The following FZD4 variants were observed in gnomAD, a reference collection of about 807,000 sequenced individuals.
FZD4 encodes the protein frizzled-4.
A neutral mutation model predicts 37.3 loss-of-function variants in FZD4; 16 were observed. The ratio of observed to expected loss-of-function variants is 0.43; its 90% CI spans 0.29 to 0.65. The LOEUF is 0.65. Among genes scored for constraint, FZD4 ranks in the 30% least tolerant of loss-of-function variants. The pLI is 0.16. For missense variants in FZD4, 599 were observed against 674.3 expected (o/e 0.89, Z 1.24); for synonymous variants, 246 against 254.8 (o/e 0.97, Z 0.33).
In FZD4 at chr11:86,950,753, A is replaced by G; in HGVS notation, c.*389T>C. ...GTATTTAAAATGGTAAAGGGTTAAA[A>G]AAGTTAATATTTCTCCCTGCTAGTT... On this transcript the variant is annotated 3_prime_UTR_variant, in exon 2 of 2. Coordinates refer to ENST00000531380, the MANE Select transcript of FZD4 (RefSeq NM_012193.4). 3.5e-6 allele frequency: 1 copy of G among 284,010 alleles called. No individual in the cohort carries two copies. The highest frequency in any genetic ancestry group is 6.8e-6 in the Non-Finnish European group (1 of 147,956). The allele number at this position is 284,010 out of a possible 1,614,324, so 17.6% of individuals were successfully genotyped here. A position where few individuals can be genotyped will look rare whatever the true frequency, so the allele number is the denominator to read the frequency against.
Position 86,955,220 on chromosome 11 carries a change from C to T in FZD4, c.-135G>A. 6.2e-6 allele frequency: 4 copies of T among 646,416 alleles called. No homozygotes were observed. The highest frequency in any genetic ancestry group is 5.5e-5 in the South Asian group (2 of 36,408). The allele number at this position is 646,416 out of a possible 1,614,324, so 40.0% of individuals were successfully genotyped here. On this transcript the variant is annotated 5_prime_UTR_variant, in exon 1 of 2. Coordinates refer to ENST00000531380, the MANE Select transcript of FZD4 (RefSeq NM_012193.4). The stretch of plus-strand genomic sequence containing the variant: ...GTGTGATGCGGCGACGAGGGGGCAG[C>T]GGCCGGCTCTCCAGCAGCTGCGCGC...
intron 1 of FZD4, 83 bp from the exon 2 acceptor site, chr11:86,952,553 A>G: frequency 6.7e-7 from 1 of 1,488,112 alleles, no homozygotes; most frequent in Non-Finnish European, 9.2e-7. Context: ...GCTGAGTTGA[A>G]TGCTTCCAGG....
Position 86,954,987 on chromosome 11 carries a change from C to T in FZD4, c.99G>A (p.Pro33=). ...LLLQLLLLLG[P]ARGFGDEEER... ...CTTCCTCGTCCCCGAAGCCCCGCGC[C>T]GGCCCCAGGAGCAGCAGCAACTGCA... The change falls in exon 1 of 2, where the codon CCG becomes CCA. Residue 33 remains proline, a synonymous_variant. Transcript: ENST00000531380. 1 of 1,612,808 alleles carries T rather than the reference C, an allele frequency of 6.2e-7. No homozygotes were observed. The highest frequency in any genetic ancestry group is 1.1e-5 in the South Asian group (1 of 91,078).
chr11:86,951,330 C>T lies in FZD4; in HGVS notation c.1426G>A (p.Val476Ile), dbSNP rs372852310. 3.7e-6 allele frequency: 6 copies of T among 1,613,916 alleles called. No individual in the cohort carries two copies. The highest frequency in any genetic ancestry group is 2.2e-5 in the South Asian group (2 of 91,072). Residue 476 changes from valine (V) to isoleucine (I), a missense_variant, in exon 2 of 2, where the codon GTT (valine) becomes ATT (isoleucine). Around this residue, in one of 3 missense-constraint regions of FZD4, gnomAD observed 203 missense variants for 196.8 expected, o/e 1.03. Transcript: ENST00000531380. Reference protein sequence around the residue: ...RYSADDSNMAVEMLKIFMSLL... With the variant: ...RYSADDSNMAIEMLKIFMSLL... ...GACATAAAAATTTTCAACATTTCAA[C>T]AGCCATGTTGGAATCATCTGCAGAA... is the stretch of plus-strand genomic sequence containing the variant.
chr11:86,954,848 TCAGCTG>T lies in FZD4; in HGVS notation c.232_237del (p.Gln78_Leu79del). ...TACTGGATGAGCGGTGTGAAAGTTG[TCAGCTG>T]CAGCTCGGCGTCCGTCTGCAGCTCG... On this transcript the variant is annotated inframe_deletion, in exon 1 of 2. Coordinates refer to ENST00000531380, the MANE Select transcript of FZD4 (RefSeq NM_012193.4). 6.2e-7 allele frequency: 1 copy of T among 1,613,224 alleles called. No individual in the cohort carries two copies. The highest frequency in any genetic ancestry group is 1.1e-5 in the South Asian group (1 of 90,936).
In FZD4 at chr11:86,947,230, CAAA is replaced by C; in HGVS notation, c.*3909_*3911del. 6.3e-6 allele frequency: 1 copy of C among 157,744 alleles called. No homozygotes were observed. Among genetic ancestry groups the C allele is most frequent in the South Asian group, 1.4e-4 (1 of 6,902 alleles). 9.8% of individuals were successfully genotyped at this position (157,744 alleles called of 1,614,324 possible). Reference sequence around the variant, plus strand: ...ACAAACAAACAAACAAACAAACAAACAAACAACAAAAAAAAGGTTCCTTCCAAA... The same window carrying C: ...ACAAACAAACAAACAAACAAACAAACCAACAAAAAAAAGGTTCCTTCCAAA... On this transcript the variant is annotated 3_prime_UTR_variant, in exon 2 of 2. Coordinates refer to ENST00000531380, the MANE Select transcript of FZD4 (RefSeq NM_012193.4).
chr11:86,951,247 C>T lies in FZD4; in HGVS notation c.1509G>A (p.Thr503=), dbSNP rs775081751. The T allele has an allele frequency of 1.2e-5, 19 of 1,613,996 alleles. No homozygotes were observed. Among genetic ancestry groups the T allele is most frequent in the South Asian group, 1.1e-4 (10 of 91,088 alleles). The part of the protein sequence containing the change: ...MWIWSAKTLH[T]WQKCSNRLVN... ...CCAATCTGTTGGAACACTTCTGCCA[C>T]GTGTGAAGAGTTTTGGCAGACCAAA... Residue 503 remains threonine (T), a synonymous_variant, in exon 2 of 2, where the codon ACG becomes ACA. Transcript: ENST00000531380.
rs1389826138 is a variant in FZD4 at position 86,947,414 on chromosome 11, A to G, written c.*3728T>C. On this transcript the variant is annotated 3_prime_UTR_variant, in exon 2 of 2. Coordinates refer to ENST00000531380, the MANE Select transcript of FZD4 (RefSeq NM_012193.4). ...TCCTCAGGTCCCATCTTGGTTCTCA[A>G]TACAATAAGCATTTAATTCAGTGAC... 6.6e-6 allele frequency: 1 copy of G among 152,316 alleles called. No individual in the cohort carries two copies. Among genetic ancestry groups the G allele is most frequent in the Non-Finnish European group, 1.5e-5 (1 of 68,216 alleles). 9.4% of individuals were successfully genotyped at this position (152,316 alleles called of 1,614,324 possible). A position where few individuals can be genotyped will look rare whatever the true frequency, so the allele number is the denominator to read the frequency against.
Position 86,951,440 on chromosome 11 carries a change from A to T in FZD4, c.1316T>A (p.Val439Glu), listed in dbSNP as rs754977266. Residue 439 changes from valine (V) to glutamate (E), a missense_variant, in exon 2 of 2, where the codon GTG becomes GAG. This residue lies in a region of FZD4 where 203 missense variants were observed against 196.8 expected (regional missense o/e 1.03). Transcript: ENST00000531380. ...AGGAACTGTGTACAGTACTGAGAAC[A>T]CCCCAATCTTGACCATCAGTCTTTC... ...KLERLMVKIG[V>E]FSVLYTVPAT... 6.2e-7 allele frequency: 1 copy of T among 1,613,412 alleles called. No individual in the cohort carries two copies. Among genetic ancestry groups the T allele is most frequent in the Non-Finnish European group, 8.5e-7 (1 of 1,179,312 alleles).
chr11:86,951,444 C>T lies in FZD4; in HGVS notation c.1312G>A (p.Gly438Arg). 1.2e-6 allele frequency: 2 copies of T among 1,613,446 alleles called. No individual in the cohort carries two copies. The highest frequency in any genetic ancestry group is 1.3e-5 in the African/African-American group (1 of 75,022). The change falls in exon 2 of 2, where the codon GGG becomes AGG. Residue 438 changes from glycine (G) to arginine (R), a missense_variant. By Grantham distance (125) the Gly-to-Arg change is moderately radical. Around this residue, in one of 3 missense-constraint regions of FZD4, gnomAD observed 203 missense variants for 196.8 expected, o/e 1.03. Coordinates refer to ENST00000531380, the MANE Select transcript of FZD4 (RefSeq NM_012193.4). ...ACTGTGTACAGTACTGAGAACACCC[C>T]AATCTTGACCATCAGTCTTTCTAAC... is the stretch of plus-strand genomic sequence containing the variant. ...DKLERLMVKI[G>R]VFSVLYTVPA...
At chr11:86,954,231 C>T (rs1949317717) in intron 1 of FZD4, 2 of 985,034 alleles carry the variant, frequency 2.0e-6, no homozygotes, top group East Asian at 1.1e-4. Flanking sequence ...TTCTTCTCAC[C>T]CTCCAAGCAT....
In FZD4 at chr11:86,949,957, A is replaced by C; in HGVS notation, c.*1185T>G. ...AACTGAAAAAGTCTCCATTGTCCTAAGTAGACCAGATTCTGATAACATTCT... is the reference window on the plus strand; with the variant it reads ...AACTGAAAAAGTCTCCATTGTCCTACGTAGACCAGATTCTGATAACATTCT... On this transcript the variant is annotated 3_prime_UTR_variant, in exon 2 of 2. Coordinates refer to ENST00000531380, the MANE Select transcript of FZD4 (RefSeq NM_012193.4). 1 of 152,512 alleles carries C rather than the reference A, an allele frequency of 6.6e-6. No homozygotes were observed. Among genetic ancestry groups the C allele is most frequent in the East Asian group, 1.9e-4 (1 of 5,208 alleles). The allele number at this position is 152,512 out of a possible 1,614,324, so 9.4% of individuals were successfully genotyped here.
Position 86,955,361 on chromosome 11 carries a change from C to A in FZD4, c.-276G>T, listed in dbSNP as rs1020252180. The A allele has an allele frequency of 2.9e-6, 1 of 341,516 alleles. No individual in the cohort carries two copies. Among genetic ancestry groups the A allele is most frequent in the Non-Finnish European group, 5.3e-6 (1 of 190,272 alleles). 21.2% of individuals were successfully genotyped at this position (341,516 alleles called of 1,614,324 possible). A position where few individuals can be genotyped will look rare whatever the true frequency, so the allele number is the denominator to read the frequency against. ...CGGCCGCGTCCGTTCGGCGTCTCCG[C>A]GAGGCCAGCCAGCAGCCAGCGCTGC... is the stretch of plus-strand genomic sequence containing the variant. On this transcript the variant is annotated 5_prime_UTR_variant, in exon 1 of 2. Transcript: ENST00000531380.
At position 86,952,021 on chromosome 11, in the gene FZD4, A is replaced by C. The variant is rs1237778243; in HGVS notation, c.735T>G (p.Ser245=). Residue 245 remains serine, a synonymous_variant, in exon 2 of 2, where the codon TCT becomes TCG. Transcript: ENST00000531380. ...AFTVLTFLID[S]SRFSYPERPI... ...GGCGCTCAGGGTAGGAAAACCTAGA[A>C]GAATCGATCAGGAAGGTCAGTACTG... The C allele has an allele frequency of 6.2e-7, 1 of 1,614,048 alleles. No homozygotes were observed. Among genetic ancestry groups the C allele is most frequent in the East Asian group, 2.2e-5 (1 of 44,904 alleles).
chr11:86,952,018 A>G lies in FZD4; in HGVS notation c.738T>C (p.Ser246=), dbSNP rs375581888. ...TGGGGCGCTCAGGGTAGGAAAACCT[A>G]GAAGAATCGATCAGGAAGGTCAGTA... ...FTVLTFLIDS[S]RFSYPERPII... Residue 246 remains serine, a synonymous_variant, in exon 2 of 2, where the codon TCT becomes TCC. Transcript: ENST00000531380. The G allele has an allele frequency of 6.2e-7, 1 of 1,614,016 alleles. No individual in the cohort carries two copies. The highest frequency in any genetic ancestry group is 1.3e-5 in the African/African-American group (1 of 74,930).
At position 86,954,266 on chromosome 11, in the gene FZD4, TAAGA is replaced by T. The variant is rs1265532832; in HGVS notation, c.285+531_285+534del. 4.1e-6 allele frequency: 4 copies of T among 985,034 alleles called. No homozygotes were observed. In the African/African-American group the frequency reaches 7.0e-5, roughly 17 times the overall value. The allele number at this position is 985,034 out of a possible 1,614,324, so 61.0% of individuals were successfully genotyped here. A position where few individuals can be genotyped will look rare whatever the true frequency, so the allele number is the denominator to read the frequency against. ...TTAAACGTGCCTTCAACTGTGAGGA[TAAGA>T]AAGAACTCAAGCCAACCCAACCACT... is the stretch of plus-strand genomic sequence containing the variant. On this transcript the variant is annotated intron_variant, in intron 1 of 1. Transcript: ENST00000531380.
intron 1 of FZD4, chr11:86,954,055 CTT>C (rs1436473587): frequency 5.5e-6 from 1 of 181,224 alleles, no homozygotes; most frequent in Admixed American, 6.5e-5. Flanking sequence ...TCCTGTCAGT[CTT>C]TTATTATCCC....
At chr11:86,952,915 G>C (rs1949306823) in intron 1 of FZD4, 1 of 161,018 alleles carries the variant, frequency 6.2e-6, no homozygotes, top group African/African-American at 2.4e-5. Flanking sequence ...AAAAAATGTA[G>C]ATCCTGTTAG....
chr11:86,951,412 T>C lies in FZD4; in HGVS notation c.1344A>G (p.Ala448=), dbSNP rs1157906125. The C allele has an allele frequency of 1.9e-6, 3 of 1,613,310 alleles. No individual in the cohort carries two copies. In the African/African-American group the frequency reaches 4.0e-5, roughly 21 times the overall value. Residue 448 remains alanine (A), a synonymous_variant, in exon 2 of 2, where the codon GCA becomes GCG. Coordinates refer to ENST00000531380, the MANE Select transcript of FZD4 (RefSeq NM_012193.4). ...GVFSVLYTVP[A]TCVIACYFYE... is the part of the protein sequence containing the mutation. Reference sequence around the variant, plus strand: ...AAAAATAACAGGCAATCACACACGTTGCAGGAACTGTGTACAGTACTGAGA... The same window carrying C: ...AAAAATAACAGGCAATCACACACGTCGCAGGAACTGTGTACAGTACTGAGA...
Sources: gnomAD v4.1 joint callset for allele counts on GRCh38, gnomAD v4.1.1 for gene constraint, gnomAD v4.1.1 regional missense constraint, MANE v1.5 for transcripts, NCBI Gene and HGNC (gene_info 2026-07-23, HGNC 2026-07-21) for gene names.